NT5DC3: variants seen among roughly 807,000 people sequenced by gnomAD.
NT5DC3 encodes 5'-nucleotidase domain-containing protein 3.
Under a neutral mutation model 67.8 loss-of-function variants are expected in NT5DC3, and 42 were observed. The observed-to-expected ratio is 0.62, with a 90% CI of 0.48 to 0.80. The LOEUF (loss-of-function observed/expected upper bound fraction) is 0.80. NT5DC3 is among the 30% of genes least tolerant of loss of function. NT5DC3 has a pLI of 0.00. For synonymous variants in NT5DC3, 237 were observed against 255.6 expected (o/e 0.93, Z 0.69); for missense variants, 570 against 696.4 (o/e 0.82, Z 2.04).
chr12:103,750,372 A>C, the NT5DC3 span, among the ~76,000 whole-genome samples: 11 of 152,238 alleles, frequency 7.2e-5, no homozygotes, highest in African/African-American at 2.4e-4. Flanking sequence ...TGAGGAAGTC[A>C]CATTTGAACT....
chr12:103,798,051 T>C (rs946979909), intron 5 of NT5DC3, among the ~76,000 whole-genome samples: 4 of 152,224 alleles, frequency 2.6e-5, no homozygotes, highest in Non-Finnish European at 5.9e-5. Context: ...AGTAGAATCA[T>C]TGTAAGTCAG....
downstream of NT5DC3, chr12:103,765,937 G>T (rs191482718): frequency 5.3e-6 from 2 of 379,370 alleles, no homozygotes; most frequent in South Asian, 4.2e-5. Context: ...AATATTATTA[G>T]CCACCTTTTG....
chr12:103,780,249 A>T, intron 13 of NT5DC3, 51 bp downstream of exon 13: 1 of 1,483,098 alleles, frequency 6.7e-7, no homozygotes. Context: ...TGGGCTGAGC[A>T]CAGCCAGAAC....
At chr12:103,788,730 A>G (rs1885904143) in intron 10 of NT5DC3, 108 bp downstream of exon 10, 1 of 770,672 alleles carries the variant, frequency 1.3e-6, no homozygotes, top group African/African-American at 1.7e-5. Flanking sequence ...CATGGGAATC[A>G]CTCAGAACTG....
chr12:103,805,287 C>T (rs1476106111), intron 4 of NT5DC3, among the ~76,000 whole-genome samples: 1 of 152,138 alleles, frequency 6.6e-6, no homozygotes, highest in African/African-American at 2.4e-5. Context: ...AATCTAAAGA[C>T]TTTAAAGGTT....
downstream of NT5DC3, among the ~76,000 whole-genome samples, chr12:103,772,058 G>T (rs564275028): frequency 3.7e-4 from 57 of 152,238 alleles, no homozygotes; most frequent in South Asian, 4.8e-3. Flanking sequence ...TGCTGTGGGT[G>T]GGGGGAGATG....
the NT5DC3 span, among the ~76,000 whole-genome samples, chr12:103,762,651 C>T: frequency 1.3e-5 from 2 of 152,296 alleles, no homozygotes; most frequent in East Asian, 3.9e-4. Context: ...GGAGAGAACC[C>T]ACCCTGAGCC....
chr12:103,757,870 G>A, the NT5DC3 span: 2 of 392,552 alleles, frequency 5.1e-6, no homozygotes, highest in East Asian at 5.1e-5. Context: ...GAAGTGGGGG[G>A]CCACTGCAGG....
chr12:103,778,381 A>G, intron 13 of NT5DC3, among the ~76,000 whole-genome samples: 1 of 151,812 alleles, frequency 6.6e-6, no homozygotes, highest in South Asian at 2.1e-4. Context: ...AAATACAAAA[A>G]TTGGCCAGGC....
chr12:103,772,702 G>T lies in NT5DC3; in HGVS notation c.*5127C>A, dbSNP rs1456038540. 4 of 152,534 alleles carry T rather than the reference G, an allele frequency of 2.6e-5. No individual in the cohort carries two copies. The highest frequency in any genetic ancestry group is 7.2e-5 in the African/African-American group (3 of 41,582). 9.4% of individuals were successfully genotyped at this position (152,534 alleles called of 1,614,324 possible). A position where few individuals can be genotyped will look rare whatever the true frequency, so the allele number is the denominator to read the frequency against. ...CTCACTGACCCCACAAGGGGCTCTGGAGCTGGGATGGCCCCAGAGGGTTTC... is the reference window on the plus strand; with the variant it reads ...CTCACTGACCCCACAAGGGGCTCTGTAGCTGGGATGGCCCCAGAGGGTTTC... On this transcript the variant is annotated 3_prime_UTR_variant, in exon 14 of 14. Coordinates refer to ENST00000392876, the MANE Select transcript of NT5DC3 (RefSeq NM_001031701.3).
At chr12:103,832,491 C>A (rs1256678476) in intron 1 of NT5DC3, among the ~76,000 whole-genome samples, 2 of 150,416 alleles carry the variant, frequency 1.3e-5, no homozygotes, top group African/African-American at 4.9e-5. Flanking sequence ...CCTTCAAAAG[C>A]TGGCAAAAAA....
the NT5DC3 span, among the ~76,000 whole-genome samples, chr12:103,758,771 CA>C: frequency 6.6e-6 from 1 of 152,222 alleles, no homozygotes; most frequent in Non-Finnish European, 1.5e-5. Flanking sequence ...CATATCACGG[CA>C]CACAGAGGAT....
At chr12:103,807,827 T>C (rs1439604930) in intron 2 of NT5DC3, among the ~76,000 whole-genome samples, 1 of 152,194 alleles carries the variant, frequency 6.6e-6, no homozygotes, top group African/African-American at 2.4e-5. Flanking sequence ...ATTCACTTGG[T>C]TCTCATTCTC....
downstream of NT5DC3, chr12:103,766,197 T>A: frequency 6.6e-7 from 1 of 1,525,476 alleles, no homozygotes; most frequent in Non-Finnish European, 9.1e-7. Context: ...TCAGGGAGAG[T>A]CATGCCTCAG....
intron 1 of NT5DC3, among the ~76,000 whole-genome samples, chr12:103,833,764 G>A (rs1888029922): frequency 1.3e-5 from 2 of 150,974 alleles, no homozygotes; most frequent in Admixed American, 1.3e-4. Flanking sequence ...TAAGGTTGGA[G>A]CAACCCGTCT....
intron 1 of NT5DC3, among the ~76,000 whole-genome samples, chr12:103,818,793 C>T (rs1028881594): frequency 1.3e-5 from 2 of 152,208 alleles, no homozygotes; most frequent in Non-Finnish European, 1.5e-5. Context: ...GAGAAGCTGG[C>T]AGACCTAAGC....
chr12:103,755,239 A>G, the NT5DC3 span: 1 of 1,584,356 alleles, frequency 6.3e-7, no homozygotes, highest in Non-Finnish European at 8.6e-7. Context: ...TCAGACATTA[A>G]CCAAGTGATG....
the NT5DC3 span, among the ~76,000 whole-genome samples, chr12:103,746,949 C>CTTTTTTTTTTTTTTTTTTTTTTTCTTTT: frequency 1.0e-5 from 1 of 96,078 alleles, no homozygotes; most frequent in Non-Finnish European, 2.1e-5. Flanking sequence ...GTTTTTCTTT[C>CTTTTTTTTTTTTTTTTTTTTTTTCTTTT]TTTTTTTTTT....
chr12:103,754,966 A>T, the NT5DC3 span: 1 of 215,496 alleles, frequency 4.6e-6, no homozygotes, highest in Non-Finnish European at 9.2e-6. Flanking sequence ...AAAAAATTTG[A>T]GTTCTATCAT....
Sources: allele counts gnomAD v4.1 joint callset (sites outside exome capture counted in the v4.1 genomes callset), GRCh38; gene constraint gnomAD v4.1.1; transcripts MANE v1.5; gene names NCBI Gene and HGNC (gene_info 2026-07-23, HGNC 2026-07-21).